The following ZNF100 variants were observed in gnomAD, a reference collection of about 807,000 sequenced individuals.
The protein encoded by ZNF100 is zinc finger protein 100.
In ZNF100, 12 loss-of-function variants were observed where a neutral mutation model predicts 15.8. The ratio of observed to expected loss-of-function variants is 0.76; its 90% CI spans 0.49 to 1.23. The LOEUF is 1.23. Ranked by LOEUF, ZNF100 falls within the 50% of genes most tolerant of loss-of-function variation. The pLI is 0.00. For synonymous variants in ZNF100, 226 were observed against 214.8 expected (o/e 1.05, Z -0.45); for missense variants, 670 against 635.6 (o/e 1.05, Z -0.58).
At position 21,745,030 on chromosome 19, in the gene ZNF100, G is replaced by C. The variant is rs1283556221; in HGVS notation, c.134C>G (p.Ser45Cys). 4 of 1,613,142 alleles carry C rather than the reference G, an allele frequency of 2.5e-6. No individual in the cohort carries two copies. In the African/African-American group the frequency reaches 4.0e-5, roughly 16 times the overall value. The change falls in exon 3 of 5, where the codon TCT (serine) becomes TGT (cysteine). Residue 45 changes from serine (S) to cysteine (C), a missense_variant. Ser to Cys is a moderately radical substitution (Grantham distance 112, BLOSUM62 -1). Coordinates refer to ENST00000358296, the MANE Select transcript of ZNF100 (RefSeq NM_173531.4). ...LTFRDVAIEFSLEEWQCLDSA... is the reference protein window; with the variant it reads ...LTFRDVAIEFCLEEWQCLDSA... ...GTCCAGGCATTGCCACTCCTCCAGAGAGAATTCTATGGCCACATCCCTAAA... is the reference window on the plus strand; with the variant it reads ...GTCCAGGCATTGCCACTCCTCCAGACAGAATTCTATGGCCACATCCCTAAA...
intron 2 of ZNF100, among the ~76,000 whole-genome samples, chr19:21,747,608 TC>T (rs1408024694): frequency 6.6e-6 from 1 of 152,102 alleles, no homozygotes; most frequent in Non-Finnish European, 1.5e-5. Flanking sequence ...CCGCACAGAG[TC>T]CCTGACATTC....
chr19:21,761,149 G>A (rs147169465), intron 2 of ZNF100, among the ~76,000 whole-genome samples: 1 of 152,102 alleles, frequency 6.6e-6, no homozygotes, highest in Non-Finnish European at 1.5e-5. Flanking sequence ...ACTAATAGAA[G>A]ACTGAAGTAA....
chr19:21,736,084 G>A (rs775823496), intron 4 of ZNF100, among the ~76,000 whole-genome samples: 8 of 151,788 alleles, frequency 5.3e-5, no homozygotes, highest in Non-Finnish European at 1.0e-4. Context: ...CACCATGCCC[G>A]GCCTTATTGA....
In ZNF100 at chr19:21,751,158, C is replaced by T; in HGVS notation, c.97-6091G>A. Reference sequence around the variant, plus strand: ...CCGATGTGCGAGACAAGAGGAAGAGCAACCACTTAAATCATCTATCTCCAG... The same window carrying T: ...CCGATGTGCGAGACAAGAGGAAGAGTAACCACTTAAATCATCTATCTCCAG... On this transcript the variant is annotated intron_variant, in intron 2 of 4. Transcript: ENST00000358296. 12 of 1,334,116 alleles carry T rather than the reference C, an allele frequency of 9.0e-6. No homozygotes were observed. In the South Asian group the frequency reaches 1.3e-4, roughly 14 times the overall value. The allele number at this position is 1,334,116 out of a possible 1,614,324, so 82.6% of individuals were successfully genotyped here. A position where few individuals can be genotyped will look rare whatever the true frequency, so the allele number is the denominator to read the frequency against.
In ZNF100 at chr19:21,756,462, A is replaced by T. The variant is rs145046580; in HGVS notation, c.96+9232T>A. ...CAACAACATCCAAGCCAAAAGCCAA[A>T]TCAAAAACATAATGCCATTCACAAT... is the stretch of plus-strand genomic sequence containing the variant. On this transcript the variant is annotated intron_variant, in intron 2 of 4. Coordinates refer to ENST00000358296, the MANE Select transcript of ZNF100 (RefSeq NM_173531.4). 5.6e-4 allele frequency among the ~76,000 whole-genome samples: 84 copies of T among 150,546 alleles called. 1 individual carries two copies. In the East Asian group the frequency reaches 0.015, roughly 27 times the overall value.
chr19:21,728,414 G>GA (rs1274932945), intron 4 of ZNF100, among the ~76,000 whole-genome samples: 1 of 152,040 alleles, frequency 6.6e-6, no homozygotes, highest in Non-Finnish European at 1.5e-5. Context: ...ATATAATGCT[G>GA]AAAGAAACGG....
rs1396363626 is a variant in ZNF100, at chr19:21,767,559, G to A, written c.-130C>T. 1 of 1,401,160 alleles carries A rather than the reference G, an allele frequency of 7.1e-7. No individual in the cohort carries two copies. Among genetic ancestry groups the A allele is most frequent in the Non-Finnish European group, 9.7e-7 (1 of 1,026,530 alleles). 86.8% of individuals were successfully genotyped at this position (1,401,160 alleles called of 1,614,324 possible). The stretch of plus-strand genomic sequence containing the variant: ...AGTGAGAGCAAAACCTGGAGCTCCG[G>A]CTACAGCGAGAGACAAAGACCCCGC... On this transcript the variant is annotated 5_prime_UTR_variant, in exon 1 of 5. Coordinates refer to ENST00000358296, the MANE Select transcript of ZNF100 (RefSeq NM_173531.4).
chr19:21,734,305 C>G (rs546426963), intron 4 of ZNF100, among the ~76,000 whole-genome samples: 34 of 152,100 alleles, frequency 2.2e-4, no homozygotes, highest in African/African-American at 8.2e-4. Context: ...TGCAAAAAAG[C>G]CAGGAACCAT....
At chr19:21,764,893 C>T (rs1305436422) in intron 2 of ZNF100, among the ~76,000 whole-genome samples, 1 of 152,002 alleles carries the variant, frequency 6.6e-6, no homozygotes, top group Non-Finnish European at 1.5e-5. Flanking sequence ...ATGTAACTCA[C>T]CAATTATCCA....
At chr19:21,743,757 GCT>G (rs1318846109) in intron 4 of ZNF100, among the ~76,000 whole-genome samples, 1 of 150,114 alleles carries the variant, frequency 6.7e-6, no homozygotes, top group Non-Finnish European at 1.5e-5. Context: ...AAGGACTCTG[GCT>G]CTCACTGTAA....
At position 21,727,371 on chromosome 19, in the gene ZNF100, A is replaced by C. The variant is rs777638175; in HGVS notation, c.941T>G (p.Val314Gly). ...ACATTCTGTACATTTGTAGGGTTTCACTCCAGTATGAATTCTTTTATGTGT... is the reference window on the plus strand; with the variant it reads ...ACATTCTGTACATTTGTAGGGTTTCCCTCCAGTATGAATTCTTTTATGTGT... Reference protein sequence around the residue: ...LTTHKRIHTGVKPYKCTECGK... With the variant: ...LTTHKRIHTGGKPYKCTECGK... Residue 314 changes from valine (V) to glycine (G), a missense_variant, in exon 5 of 5, where the codon GTG becomes GGG. By Grantham distance (109) the Val-to-Gly change is moderately radical. Coordinates refer to ENST00000358296, the MANE Select transcript of ZNF100 (RefSeq NM_173531.4). 6.3e-7 allele frequency: 1 copy of C among 1,580,726 alleles called. No homozygotes were observed. Among genetic ancestry groups the C allele is most frequent in the Non-Finnish European group, 8.6e-7 (1 of 1,167,600 alleles).
chr19:21,767,548 C>T lies in ZNF100; in HGVS notation c.-119G>A. On this transcript the variant is annotated 5_prime_UTR_variant, in exon 1 of 5. Coordinates refer to ENST00000358296, the MANE Select transcript of ZNF100 (RefSeq NM_173531.4). ...AGACACAGAGAAGTGAGAGCAAAAC[C>T]TGGAGCTCCGGCTACAGCGAGAGAC... 1 of 1,454,864 alleles carries T rather than the reference C, an allele frequency of 6.9e-7. No individual in the cohort carries two copies. The highest frequency in any genetic ancestry group is 9.4e-7 in the Non-Finnish European group (1 of 1,069,448). The allele number at this position is 1,454,864 out of a possible 1,614,324, so 90.1% of individuals were successfully genotyped here. A position where few individuals can be genotyped will look rare whatever the true frequency, so the allele number is the denominator to read the frequency against.
chr19:21,743,625 G>A (rs116509034), intron 4 of ZNF100, among the ~76,000 whole-genome samples: 3,446 of 152,010 alleles, frequency 0.023, 137 homozygotes, highest in African/African-American at 0.079. Context: ...TTTCAGACAT[G>A]ATGAAAAAAG....
At position 21,767,384 on chromosome 19, in the gene ZNF100, G is replaced by A. The variant is rs749713601; in HGVS notation, c.3+43C>T. The A allele has an allele frequency of 4.3e-6, 7 of 1,610,114 alleles. 1 individual carries two copies. In the South Asian group the frequency reaches 5.5e-5, roughly 13 times the overall value. The stretch of plus-strand genomic sequence containing the variant: ...AGCTACTTCCCACCAGTTCCAACCA[G>A]CCCTTTCGCCGTCTCTCGGGATGTC... On this transcript the variant is annotated intron_variant, in intron 1 of 4. Transcript: ENST00000358296.
intron 4 of ZNF100, among the ~76,000 whole-genome samples, chr19:21,732,168 C>T (rs1442217233): frequency 2.7e-5 from 4 of 150,334 alleles, no homozygotes; most frequent in Admixed American, 6.6e-5. Flanking sequence ...GAGACTCCGT[C>T]TCAAAAAAAA....
intron 2 of ZNF100, among the ~76,000 whole-genome samples, chr19:21,758,484 C>A (rs2036428062): frequency 1.3e-5 from 2 of 152,140 alleles, no homozygotes. Flanking sequence ...CAGACAGTGG[C>A]CCAGGTGGCG....
Position 21,727,539 on chromosome 19 carries a change from T to C in ZNF100, c.773A>G (p.Glu258Gly). 1 of 1,613,874 alleles carries C rather than the reference T, an allele frequency of 6.2e-7. No individual in the cohort carries two copies. Among genetic ancestry groups the C allele is most frequent in the Non-Finnish European group, 8.5e-7 (1 of 1,179,874 alleles). Reference sequence around the variant, plus strand: ...ACATTCTTCACATTTGTAGGGTTTCTCTCCAGTATGAATTCTCCTGTGTGT... The same window carrying C: ...ACATTCTTCACATTTGTAGGGTTTCCCTCCAGTATGAATTCTCCTGTGTGT... Reference protein sequence around the residue: ...LTTHRRIHTGEKPYKCEECGK... With the variant: ...LTTHRRIHTGGKPYKCEECGK... The change falls in exon 5 of 5, where the codon GAG becomes GGG. Residue 258 changes from glutamate to glycine, a missense_variant. By Grantham distance (98) the Glu-to-Gly change is moderately conservative (BLOSUM62 -2). Coordinates refer to ENST00000358296, the MANE Select transcript of ZNF100 (RefSeq NM_173531.4).
chr19:21,737,338 C>T (rs2036025740), intron 4 of ZNF100, among the ~76,000 whole-genome samples: 1 of 151,460 alleles, frequency 6.6e-6, no homozygotes, highest in African/African-American at 2.4e-5. Context: ...GCAGCCTGGC[C>T]AACAAAGTGA....
intron 4 of ZNF100, among the ~76,000 whole-genome samples, chr19:21,740,291 C>T (rs1047547710): frequency 3.9e-5 from 6 of 152,154 alleles, no homozygotes; most frequent in African/African-American, 1.4e-4. Context: ...GGATCATTTC[C>T]TTGAACCGTA....
Sources: gnomAD v4.1 joint callset for allele counts (sites outside exome capture counted in the v4.1 genomes callset) on GRCh38, gnomAD v4.1.1 for gene constraint, MANE v1.5 for transcripts, NCBI Gene and HGNC (gene_info 2026-07-23, HGNC 2026-07-21) for gene names.